Variants in ERMAP observed in about 807,000 individuals in gnomAD.
The protein encoded by ERMAP is erythroid membrane-associated protein.
A neutral mutation model predicts 49.5 loss-of-function variants in ERMAP; 34 were observed. The ratio of observed to expected loss-of-function variants is 0.69; its 90% CI spans 0.52 to 0.91. ERMAP has a LOEUF of 0.91. Among genes scored for constraint, ERMAP ranks in the 40% least tolerant of loss-of-function variants. The pLI is 0.00. For missense variants in ERMAP, 541 were observed against 582.6 expected, an observed-to-expected ratio of 0.93 and a Z score of 0.74; for synonymous variants, 214 against 232.2, an observed-to-expected ratio of 0.92 and a Z score of 0.71.
Position 42,843,048 on chromosome 1 carries a change from T to G in ERMAP, c.1244T>G (p.Leu415Arg). ...GCACCTCTAGTCATTTGTTCAGAACTACACAAATCAGAGGAATCAATTGTC... is the reference window on the plus strand; with the variant it reads ...GCACCTCTAGTCATTTGTTCAGAACGACACAAATCAGAGGAATCAATTGTC... The part of the protein sequence containing the change: ...NTAPLVICSE[L>R]HKSEESIVPR... Residue 415 changes from leucine (L) to arginine (R), a missense_variant, in exon 12 of 12, where the codon CTA becomes CGA. Coordinates refer to ENST00000372517, the MANE Select transcript of ERMAP (RefSeq NM_001017922.2). 3 of 1,614,194 alleles carry G rather than the reference T, an allele frequency of 1.9e-6. No individual in the cohort carries two copies. In the Admixed American group the frequency reaches 5.0e-5, roughly 27 times the overall value.
chr1:42,840,061 TC>T lies in ERMAP; in HGVS notation c.658+11del, dbSNP rs113424302. The T allele has an allele frequency of 6.8e-4, 1,100 of 1,614,194 alleles. 4 individuals are homozygous for T. The African/African-American group carries it at 0.013, about 19-fold the overall frequency. On this transcript the variant is annotated intron_variant, in intron 9 of 11. Transcript: ENST00000372517. Reference sequence around the variant, plus strand: ...AACTCCGGAGTGAACTGAGTAAGTTTCCCATGTTCTTGTAACTTCCGTACCA... The same window carrying T: ...AACTCCGGAGTGAACTGAGTAAGTTTCCATGTTCTTGTAACTTCCGTACCA...
Position 42,843,138 on chromosome 1 carries a change from TACCCCCGAA to T in ERMAP, c.1335_1343del (p.Pro446_Lys448del). On this transcript the variant is annotated inframe_deletion, in exon 12 of 12. Transcript: ENST00000372517. The stretch of plus-strand genomic sequence containing the variant: ...TCCCTCAAGGTGAACTCTTCTTTAC[TACCCCCGAA>T]GGCCCCAGAGCTGAAGGATATAATC... The T allele has an allele frequency of 6.2e-7, 1 of 1,614,178 alleles. No individual in the cohort carries two copies. The highest frequency in any genetic ancestry group is 1.1e-5 in the South Asian group (1 of 91,078).
chr1:42,831,173 G>A, intron 4 of ERMAP, 58 bp downstream of exon 4: 2 of 1,559,904 alleles, frequency 1.3e-6, no homozygotes, highest in Non-Finnish European at 1.7e-6. Context: ...AGCTTAATCA[G>A]GACCTACTTT....
At position 42,836,667 on chromosome 1, in the gene ERMAP, T is replaced by C. The variant is rs1443775313; in HGVS notation, c.584-491T>C. ...GGTCGGGAGTTCAAGCCCAGCCTGA[T>C]TAACATGGCGAAACCCTGTCTCTAC... On this transcript the variant is annotated intron_variant, in intron 6 of 11. Transcript: ENST00000372517. 2.0e-5 allele frequency among the ~76,000 whole-genome samples: 3 copies of C among 152,100 alleles called. No homozygotes were observed. In the East Asian group the frequency reaches 5.8e-4, roughly 29 times the overall value.
chr1:42,843,127 C>G lies in ERMAP; in HGVS notation c.1323C>G (p.Asn441Lys), dbSNP rs1557615881. 6.2e-7 allele frequency: 1 copy of G among 1,614,170 alleles called. No individual in the cohort carries two copies. The highest frequency in any genetic ancestry group is 1.1e-5 in the South Asian group (1 of 91,082). Residue 441 changes from asparagine (N) to lysine (K), a missense_variant, in exon 12 of 12, where the codon AAC becomes AAG. Transcript: ENST00000372517. ...ATGGAGATGTGTCCCTCAAGGTGAA[C>G]TCTTCTTTACTACCCCCGAAGGCCC... ...HANGDVSLKVNSSLLPPKAPE... is the reference protein window; with the variant it reads ...HANGDVSLKVKSSLLPPKAPE...
At chr1:42,830,600 C>T in intron 3 of ERMAP, 67 bp downstream of exon 3, 1 of 1,559,210 alleles carries the variant, frequency 6.4e-7, no homozygotes, top group Non-Finnish European at 8.8e-7. Flanking sequence ...AATAAGGAAG[C>T]TTGGCTGGAA....
chr1:42,830,398 C>T (rs1484092119), intron 2 of ERMAP, 46 bp from the exon 3 acceptor site: 1 of 1,570,416 alleles, frequency 6.4e-7, no homozygotes, highest in Admixed American at 1.7e-5. Context: ...CTCTGTCACG[C>T]CAAGCCCATC....
At chr1:42,837,846 C>A (rs921132979) in intron 7 of ERMAP, 1 of 152,414 alleles carries the variant, frequency 6.6e-6, no homozygotes, top group African/African-American at 2.4e-5. Context: ...CAGATGACTC[C>A]AGATTCAATG....
chr1:42,829,808 A>G (rs1483202140), intron 2 of ERMAP: 1 of 152,500 alleles, frequency 6.6e-6, no homozygotes, highest in Admixed American at 6.5e-5. Context: ...ATGTTATGCA[A>G]CCTTCCTAGG....
chr1:42,839,469 G>C (rs1026273344), intron 8 of ERMAP: 1 of 168,916 alleles, frequency 5.9e-6, no homozygotes, highest in East Asian at 1.6e-4. Flanking sequence ...AATTAGCTGG[G>C]TGTGGTGGTG....
At chr1:42,824,632 A>G (rs189240722) in intron 1 of ERMAP, 3 of 152,422 alleles carry the variant, frequency 2.0e-5, no homozygotes, top group Admixed American at 6.5e-5. Context: ...GGGAATGAGC[A>G]AAAAAGGAAG....
chr1:42,825,747 T>C lies in ERMAP; in HGVS notation c.-6+9T>C. 1 of 1,289,344 alleles carries C rather than the reference T, an allele frequency of 7.8e-7. No homozygotes were observed. The allele number at this position is 1,289,344 out of a possible 1,614,324, so 79.9% of individuals were successfully genotyped here. A position where few individuals can be genotyped will look rare whatever the true frequency, so the allele number is the denominator to read the frequency against. The stretch of plus-strand genomic sequence containing the variant: ...CCCTGATCCAGAAGGTGGTGAGTCC[T>C]CCTCTCTCTCTTCATGCTTTTTAGT... On this transcript the variant is annotated intron_variant, in intron 2 of 11. Coordinates refer to ENST00000372517, the MANE Select transcript of ERMAP (RefSeq NM_001017922.2).
At chr1:42,837,096 G>A in intron 6 of ERMAP, 62 bp from the exon 7 acceptor site, 1 of 1,577,286 alleles carries the variant, frequency 6.3e-7, no homozygotes, top group Admixed American at 1.7e-5. Flanking sequence ...AAAATCAATA[G>A]GAATCAGGGA....
intron 4 of ERMAP, among the ~76,000 whole-genome samples, chr1:42,833,919 G>A (rs529187049): frequency 6.6e-6 from 1 of 152,182 alleles, no homozygotes; most frequent in African/African-American, 2.4e-5. Context: ...GCAAAACCTT[G>A]TCTCTACCAA....
At chr1:42,829,967 G>A (rs551984772) in intron 2 of ERMAP, 2 of 160,468 alleles carry the variant, frequency 1.2e-5, no homozygotes, top group Non-Finnish European at 2.8e-5. Flanking sequence ...AACTGGAAAA[G>A]GCTGTCAGGG....
intron 1 of ERMAP, 94 bp from the exon 2 acceptor site, chr1:42,825,528 AC>A: frequency 8.3e-7 from 1 of 1,202,932 alleles, no homozygotes; most frequent in Non-Finnish European, 1.1e-6. Flanking sequence ...TTGCTGGTTT[AC>A]AGGGACAGCG....
Position 42,844,296 on chromosome 1 carries a change from C to T in ERMAP, c.*1064C>T. 1 of 395,136 alleles carries T rather than the reference C, an allele frequency of 2.5e-6. No individual in the cohort carries two copies. The highest frequency in any genetic ancestry group is 4.5e-6 in the Non-Finnish European group (1 of 224,414). The allele number at this position is 395,136 out of a possible 1,614,324, so 24.5% of individuals were successfully genotyped here. ...GGTGTGTATTGCAGAAGCCTCGTCG[C>T]TTTCAAGTCACATCATATATGCGAT... On this transcript the variant is annotated 3_prime_UTR_variant, in exon 12 of 12. Coordinates refer to ENST00000372517, the MANE Select transcript of ERMAP (RefSeq NM_001017922.2). This position sits in a 1 kb window ranked among gnomAD's most constrained non-coding sequence, Gnocchi z 4.0.
intron 7 of ERMAP, among the ~76,000 whole-genome samples, chr1:42,838,699 C>T (rs576475397): frequency 3.4e-4 from 51 of 152,220 alleles, no homozygotes; most frequent in Admixed American, 8.5e-4. Flanking sequence ...ACCAAAGTCC[C>T]GGGCAGGCTG....
intron 2 of ERMAP, among the ~76,000 whole-genome samples, chr1:42,828,478 C>A (rs966333216): frequency 2.3e-5 from 3 of 132,644 alleles, no homozygotes; most frequent in African/African-American, 8.7e-5. Context: ...GACTCTAGAG[C>A]TCATTCTTTT....
Sources: gnomAD v4.1 joint callset for allele counts (sites outside exome capture counted in the v4.1 genomes callset) on GRCh38, gnomAD v4.1.1 for gene constraint, Gnocchi (gnomAD v3.1) non-coding constraint, MANE v1.5 for transcripts, NCBI Gene and HGNC (gene_info 2026-07-23, HGNC 2026-07-21) for gene names.